THSD4: variants seen among roughly 807,000 people sequenced by gnomAD.
THSD4 encodes the protein thrombospondin type-1 domain-containing protein 4.
A neutral mutation model predicts 119.0 loss-of-function variants in THSD4; 69 were observed. That is an observed-to-expected ratio of 0.58 (90% CI 0.48 to 0.71). The LOEUF (loss-of-function observed/expected upper bound fraction) is 0.71, where lower values mean the gene tolerates loss of function less well. Among genes scored for constraint, THSD4 ranks in the 30% least tolerant of loss-of-function variants. THSD4 has a pLI of 0.00. For missense variants in THSD4, 1,393 were observed against 1,391.1 expected (o/e 1.00, Z -0.02); for synonymous variants, 524 against 540.4 (o/e 0.97, Z 0.42).
Position 71,418,031 on chromosome 15 carries a change from A to G in THSD4, c.1152+6208A>G, listed in dbSNP as rs909575053. Among the ~76,000 whole-genome samples, 25 of 106,980 alleles carry G rather than the reference A, an allele frequency of 2.3e-4. 7 individuals are homozygous for G. Among genetic ancestry groups the G allele is most frequent in the Admixed American group, 3.7e-4 (3 of 8,212 alleles). 70.2% of individuals were successfully genotyped at this position (106,980 alleles called of 152,430 possible). On this transcript the variant is annotated intron_variant, in intron 7 of 17. Transcript: ENST00000261862. Reference sequence around the variant, plus strand: ...ATTAGTTTTTTGATTTCTTTTTCAGATTGTTTACTATTGGCATATAGAAAT... The same window carrying G: ...ATTAGTTTTTTGATTTCTTTTTCAGGTTGTTTACTATTGGCATATAGAAAT...
intron 7 of THSD4, among the ~76,000 whole-genome samples, chr15:71,415,549 T>C (rs2046748298): frequency 6.6e-6 from 1 of 152,194 alleles, no homozygotes; most frequent in Non-Finnish European, 1.5e-5. Flanking sequence ...GATCCAGTTA[T>C]ACTGAGTTAT....
At chr15:71,495,975 G>A (rs772033568) in intron 7 of THSD4, among the ~76,000 whole-genome samples, 46 of 152,316 alleles carry the variant, frequency 3.0e-4, no homozygotes, top group Middle Eastern at 3.4e-3. Context: ...GGCAGTCACA[G>A]TTCATGCCAA....
intron 1 of THSD4, among the ~76,000 whole-genome samples, chr15:71,125,489 ATAAAGTCAC>A (rs2040445869): frequency 6.6e-6 from 1 of 152,256 alleles, no homozygotes; most frequent in Non-Finnish European, 1.5e-5. Flanking sequence ...TCCACATGCA[ATAAAGTCAC>A]TAACCTTTTT....
At chr15:71,532,554 A>G (rs1168836292) in intron 7 of THSD4, among the ~76,000 whole-genome samples, 4 of 151,904 alleles carry the variant, frequency 2.6e-5, no homozygotes, top group African/African-American at 7.3e-5. Flanking sequence ...TGACCTCGCA[A>G]TCTGCCCGCC....
rs934952920 is a variant in THSD4 at position 71,256,373 on chromosome 15, G to A, written c.913-240G>A. ...GCCTGTAATCCCAGCTACTTGGGAGGCTGAGGCAGGAGAATCACTTGAACC... is the reference window on the plus strand; with the variant it reads ...GCCTGTAATCCCAGCTACTTGGGAGACTGAGGCAGGAGAATCACTTGAACC... On this transcript the variant is annotated intron_variant, in intron 5 of 17. Transcript: ENST00000261862. 1.6e-4 allele frequency among the ~76,000 whole-genome samples: 25 copies of A among 152,048 alleles called. 1 individual carries two copies. Among genetic ancestry groups the A allele is most frequent in the Admixed American group, 1.6e-3 (25 of 15,272 alleles).
At chr15:71,262,632 C>A (rs889815979) in intron 6 of THSD4, among the ~76,000 whole-genome samples, 4 of 56,980 alleles carry the variant, frequency 7.0e-5, no homozygotes, top group Non-Finnish European at 1.4e-4. Context: ...CACTGTGTGT[C>A]CCTGAGAGCT....
At chr15:71,555,236 C>T (rs1424186391) in intron 7 of THSD4, among the ~76,000 whole-genome samples, 1 of 152,124 alleles carries the variant, frequency 6.6e-6, no homozygotes, top group African/African-American at 2.4e-5. Flanking sequence ...GATTGCTTTC[C>T]ACAGCAGTTG....
At position 71,242,898 on chromosome 15, in the gene THSD4, G is replaced by T. The variant is rs377400944; in HGVS notation, c.714G>T (p.Ala238=). ...GCCCTCGCTCTGGACTGCAGGCTGCGGAGGCCCCCATCTACCAGCTACCTT... is the reference window on the plus strand; with the variant it reads ...GCCCTCGCTCTGGACTGCAGGCTGCTGAGGCCCCCATCTACCAGCTACCTT... The part of the protein sequence containing the change: ...DSGPRSGLQA[A]EAPIYQLPLT... Residue 238 remains alanine (A), a synonymous_variant, in exon 5 of 18, where the codon GCG becomes GCT. Transcript: ENST00000261862. The T allele has an allele frequency of 6.2e-7, 1 of 1,614,050 alleles. No individual in the cohort carries two copies. Among genetic ancestry groups the T allele is most frequent in the Non-Finnish European group, 8.5e-7 (1 of 1,180,040 alleles).
At position 71,268,039 on chromosome 15, in the gene THSD4, TAGAC is replaced by T. The variant is rs570608510; in HGVS notation, c.1015+11328_1015+11331del. 1.6e-3 allele frequency among the ~76,000 whole-genome samples: 248 copies of T among 152,250 alleles called. 1 individual carries two copies. The highest frequency in any genetic ancestry group is 6.8e-3 in the Middle Eastern group (2 of 294). ...GACTTTAACACCCCACTGTCAATAT[TAGAC>T]AGATCAACGAGACAGAAAATTAACA... is the stretch of plus-strand genomic sequence containing the variant. On this transcript the variant is annotated intron_variant, in intron 6 of 17. Transcript: ENST00000261862.
chr15:71,708,718 A>T (rs1456668341), intron 8 of THSD4, among the ~76,000 whole-genome samples: 2 of 152,126 alleles, frequency 1.3e-5, no homozygotes, highest in African/African-American at 2.4e-5. Flanking sequence ...TGTTTTGTTT[A>T]GTTTGGTTTG....
chr15:71,402,146 A>C (rs981050153), intron 6 of THSD4, among the ~76,000 whole-genome samples: 2 of 151,970 alleles, frequency 1.3e-5, no homozygotes, highest in Non-Finnish European at 2.9e-5. Context: ...AGATATACCT[A>C]ATCTAAATGA....
chr15:71,525,816 T>G (rs1189337244), intron 7 of THSD4, among the ~76,000 whole-genome samples: 1 of 152,152 alleles, frequency 6.6e-6, no homozygotes, highest in East Asian at 1.9e-4. Flanking sequence ...TCATGGTCCT[T>G]GGTGAGAGCT....
intron 6 of THSD4, among the ~76,000 whole-genome samples, chr15:71,315,557 T>C (rs913420202): frequency 2.0e-5 from 3 of 152,224 alleles, no homozygotes; most frequent in African/African-American, 7.2e-5. Context: ...GTCAGCTGTG[T>C]CCTCTGTGGT....
Position 71,524,696 on chromosome 15 carries a change from A to T in THSD4, c.1152+112873A>T, listed in dbSNP as rs557271810. ...ACTGCAAACTCCGCCTCCTGGGTTC[A>T]TGCCATTCTCCTACCTCAGCCTCCC... On this transcript the variant is annotated intron_variant, in intron 7 of 17. Coordinates refer to ENST00000261862, the MANE Select transcript of THSD4 (RefSeq NM_024817.3). Among the ~76,000 whole-genome samples, 80 of 136,060 alleles carry T rather than the reference A, an allele frequency of 5.9e-4. 1 individual carries two copies. Among genetic ancestry groups the T allele is most frequent in the Non-Finnish European group, 1.2e-3 (76 of 65,656 alleles). The allele number at this position is 136,060 out of a possible 152,430, so 89.3% of individuals were successfully genotyped here. A position where few individuals can be genotyped will look rare whatever the true frequency, so the allele number is the denominator to read the frequency against.
intron 7 of THSD4, among the ~76,000 whole-genome samples, chr15:71,583,091 A>G (rs1371492455): frequency 6.6e-6 from 1 of 152,132 alleles, no homozygotes; most frequent in African/African-American, 2.4e-5. Context: ...TACTGATTCT[A>G]TCTCTTTACT....
chr15:71,763,571 C>G (rs2053662466), intron 15 of THSD4, among the ~76,000 whole-genome samples: 1 of 110,376 alleles, frequency 9.1e-6, no homozygotes, highest in Non-Finnish European at 1.6e-5. Context: ...TTTTTTTAAA[C>G]AGAGTCTTGC....
chr15:71,345,017 A>G (rs2140396060), intron 6 of THSD4, among the ~76,000 whole-genome samples: 1 of 152,170 alleles, frequency 6.6e-6, no homozygotes, highest in South Asian at 2.1e-4. Context: ...AGAGGGGGCG[A>G]AAGAGTCACA....
chr15:71,717,295 C>A (rs114400423), intron 8 of THSD4, among the ~76,000 whole-genome samples: 2,924 of 152,264 alleles, frequency 0.019, 94 homozygotes, highest in African/African-American at 0.067. Context: ...CCATGGAATT[C>A]TATATGGCAG....
chr15:71,264,285 A>G (rs2044438832), intron 6 of THSD4, among the ~76,000 whole-genome samples: 1 of 152,224 alleles, frequency 6.6e-6, no homozygotes, highest in Admixed American at 6.5e-5. Flanking sequence ...GATAATCCAT[A>G]ATCCTGTGAA....
Sources: gnomAD v4.1 joint callset for allele counts (sites outside exome capture counted in the v4.1 genomes callset) on GRCh38, gnomAD v4.1.1 for gene constraint, MANE v1.5 for transcripts, NCBI Gene and HGNC (gene_info 2026-07-23, HGNC 2026-07-21) for gene names.